RASSF8: variants seen among roughly 807,000 people sequenced by gnomAD.
The protein encoded by RASSF8 is Ras association domain family member 8.
Under a neutral mutation model 48.5 loss-of-function variants are expected in RASSF8, and 22 were observed. The observed-to-expected ratio is 0.45, with a 90% CI of 0.32 to 0.65. RASSF8 has a LOEUF of 0.65. Among genes scored for constraint, RASSF8 ranks in the 30% least tolerant of loss-of-function variants. The pLI, the probability that RASSF8 is intolerant of heterozygous loss-of-function variation, is 0.03. For missense variants in RASSF8, 418 were observed against 489.2 expected (o/e 0.85, Z 1.37); for synonymous variants, 127 against 171.5 (o/e 0.74, Z 2.03).
At chr12:26,065,758 A>G (rs1591818674) in intron 4 of RASSF8, among the ~76,000 whole-genome samples, 1 of 152,148 alleles carries the variant, frequency 6.6e-6, no homozygotes, top group Non-Finnish European at 1.5e-5. Context: ...CTTATCTGTC[A>G]CTTCTCCATT....
chr12:26,067,602 G>C lies in RASSF8; in HGVS notation c.1027G>C (p.Glu343Gln). The C allele has an allele frequency of 6.2e-7, 1 of 1,613,918 alleles. No individual in the cohort carries two copies. Among genetic ancestry groups the C allele is most frequent in the Non-Finnish European group, 8.5e-7 (1 of 1,179,878 alleles). ...KEQELEQLTK[E>Q]LRQVNLQQFI... ...ACAGGAACTGGAGCAGTTGACTAAG[G>C]AGTTGCGGCAAGTCAATCTCCAGCA... Residue 343 changes from glutamate (E) to glutamine (Q), a missense_variant, in exon 5 of 6, where the codon GAG becomes CAG. Physicochemically the swap from Glu to Gln is conservative, Grantham distance 29. Transcript: ENST00000689635.
intron 2 of RASSF8, among the ~76,000 whole-genome samples, chr12:26,003,460 C>T (rs1942310450): frequency 6.6e-6 from 1 of 152,000 alleles, no homozygotes; most frequent in African/African-American, 2.4e-5. Flanking sequence ...GGTAAGAATG[C>T]TCATACAGTG....
intron 1 of RASSF8, among the ~76,000 whole-genome samples, chr12:25,967,226 C>G (rs1941379877): frequency 1.3e-5 from 2 of 152,194 alleles, no homozygotes; most frequent in Admixed American, 1.3e-4. Context: ...TTTCTAGTTT[C>G]CTTACAATAG....
intron 2 of RASSF8, 104 bp from the exon 3 acceptor site, chr12:26,055,132 A>G: frequency 1.9e-6 from 1 of 533,984 alleles, no homozygotes; most frequent in South Asian, 2.5e-5. Context: ...TGTGTACTTC[A>G]GTAAGATTAT....
intron 2 of RASSF8, chr12:26,053,000 G>A (rs2643937): frequency 0.85 from 129,271 of 152,204 alleles, 54,998 homozygotes; most frequent in East Asian, 0.99. Flanking sequence ...ATAGAATGTA[G>A]GTTGTTGGGG....
At position 25,979,993 on chromosome 12, in the gene RASSF8, CTTAAATA is replaced by C. The variant is rs1592227219; in HGVS notation, c.-202-15043_-202-15037del. On this transcript the variant is annotated intron_variant, in intron 1 of 5. Transcript: ENST00000689635. ...GAAAGGTTTCTTGGAAAAGGTGACT[CTTAAATA>C]GAGGTTCACAGTGACAAAATTCAGA... 7.9e-5 allele frequency among the ~76,000 whole-genome samples: 12 copies of C among 152,118 alleles called. No homozygotes were observed. In the East Asian group the frequency reaches 2.3e-3, roughly 29 times the overall value.
At chr12:26,060,327 G>A (rs58141215) in intron 3 of RASSF8, among the ~76,000 whole-genome samples, 1 of 152,270 alleles carries the variant, frequency 6.6e-6, no homozygotes, top group East Asian at 1.9e-4. Context: ...ATGCACAACT[G>A]GCTGACAGGT....
At chr12:26,068,232 G>T (rs1220610046) in intron 5 of RASSF8, among the ~76,000 whole-genome samples, 1 of 152,062 alleles carries the variant, frequency 6.6e-6, no homozygotes, top group Non-Finnish European at 1.5e-5. Flanking sequence ...TTACTTAGGT[G>T]AGCATGTAAT....
chr12:26,065,280 G>T lies in RASSF8; in HGVS notation c.886G>T (p.Gly296Cys), dbSNP rs141635296. 3.7e-6 allele frequency: 6 copies of T among 1,614,136 alleles called. No individual in the cohort carries two copies. The South Asian group carries it at 6.6e-5, about 18-fold the overall frequency. ...TGAGGAAGAGGTTAAAGGAAAGATCGGTAAGGTCAAAGGGGAGATTGACAT... is the reference window on the plus strand; with the variant it reads ...TGAGGAAGAGGTTAAAGGAAAGATCTGTAAGGTCAAAGGGGAGATTGACAT... ...VNEEEVKGKI[G>C]KVKGEIDIQG... Residue 296 changes from glycine to cysteine, a missense_variant, in exon 4 of 6, where the codon GGT (glycine) becomes TGT (cysteine). Coordinates refer to ENST00000689635, the MANE Select transcript of RASSF8 (RefSeq NM_001394098.1).
intron 5 of RASSF8, chr12:26,079,022 G>C: frequency 6.5e-7 from 1 of 1,539,994 alleles, no homozygotes; most frequent in Non-Finnish European, 8.7e-7. Context: ...TGTTTCTTCT[G>C]TTTTATCTAG....
intron 1 of RASSF8, among the ~76,000 whole-genome samples, chr12:25,971,245 A>G (rs1002173951): frequency 1.3e-5 from 2 of 152,202 alleles, no homozygotes; most frequent in Admixed American, 6.5e-5. Context: ...CTTTGTCTGC[A>G]TTAAAACTCT....
chr12:26,064,439 C>G, intron 3 of RASSF8, 59 bp from the exon 4 acceptor site: 1 of 1,421,516 alleles, frequency 7.0e-7, no homozygotes, highest in Non-Finnish European at 9.4e-7. Flanking sequence ...CATTCTTACT[C>G]CATTTTTTAA....
At chr12:26,079,021 T>C (rs939551642) in intron 5 of RASSF8, 14 of 1,539,560 alleles carry the variant, frequency 9.1e-6, no homozygotes, top group South Asian at 1.2e-5. Context: ...GTGTTTCTTC[T>C]GTTTTATCTA....
downstream of RASSF8, among the ~76,000 whole-genome samples, chr12:26,073,847 C>T (rs61915668): frequency 0.13 from 16,757 of 129,440 alleles, 1,504 homozygotes; most frequent in East Asian, 0.42. Flanking sequence ...CACACACACA[C>T]ACATATATAT....
intron 2 of RASSF8, among the ~76,000 whole-genome samples, chr12:26,029,532 G>A (rs1411822403): frequency 6.6e-6 from 1 of 152,120 alleles, no homozygotes; most frequent in Non-Finnish European, 1.5e-5. Context: ...ATATTCATTA[G>A]AAGTAAATCA....
At chr12:26,056,886 CTAT>C (rs564546585) in intron 3 of RASSF8, among the ~76,000 whole-genome samples, 38 of 152,122 alleles carry the variant, frequency 2.5e-4, no homozygotes, top group African/African-American at 8.4e-4. Flanking sequence ...GTAATTGTCA[CTAT>C]TAAGAGCTTC....
intron 2 of RASSF8, among the ~76,000 whole-genome samples, chr12:26,049,584 C>G (rs1215141225): frequency 6.6e-6 from 1 of 152,150 alleles, no homozygotes; most frequent in Non-Finnish European, 1.5e-5. Flanking sequence ...TGAGAGAAGT[C>G]TCTACTTCAA....
intron 2 of RASSF8, among the ~76,000 whole-genome samples, chr12:26,015,465 T>C (rs1331792185): frequency 3.3e-5 from 5 of 152,146 alleles, no homozygotes; most frequent in Non-Finnish European, 5.9e-5. Context: ...AGCCGAGAAA[T>C]AGAAAATAGT....
At chr12:25,984,171 C>T (rs926592851) in intron 1 of RASSF8, among the ~76,000 whole-genome samples, 1 of 151,514 alleles carries the variant, frequency 6.6e-6, no homozygotes, top group African/African-American at 2.4e-5. Context: ...AGCAATCCTC[C>T]TGCCTCAGCC....
Sources: allele counts gnomAD v4.1 joint callset (sites outside exome capture counted in the v4.1 genomes callset), GRCh38; gene constraint gnomAD v4.1.1; transcripts MANE v1.5; gene names NCBI Gene and HGNC (gene_info 2026-07-23, HGNC 2026-07-21).